The following ARMC9 variants were observed in gnomAD, a reference collection of about 807,000 sequenced individuals.
ARMC9 encodes the protein lisH domain-containing protein ARMC9.
In ARMC9, 94 loss-of-function variants were observed where a neutral mutation model predicts 107.0. The ratio of observed to expected loss-of-function variants is 0.88; its 90% CI spans 0.74 to 1.04. ARMC9 has a LOEUF of 1.04. Ranked by LOEUF, ARMC9 falls within the 50% of genes least tolerant of loss-of-function variation. ARMC9 has a pLI of 0.00. For missense variants in ARMC9, 942 were observed against 1,030.1 expected, an observed-to-expected ratio of 0.91 and a Z score of 1.17; for synonymous variants, 380 against 396.9, an observed-to-expected ratio of 0.96 and a Z score of 0.51.
chr2:231,211,620 G>A (rs1295801885), intron 3 of ARMC9, among the ~76,000 whole-genome samples: 1 of 151,984 alleles, frequency 6.6e-6, no homozygotes, highest in Non-Finnish European at 1.5e-5. Flanking sequence ...TGTATACCCA[G>A]AAGTATTGCT....
intron 16 of ARMC9, among the ~76,000 whole-genome samples, chr2:231,279,581 G>T (rs1458016440): frequency 6.8e-6 from 1 of 146,928 alleles, no homozygotes; most frequent in Admixed American, 6.9e-5. Flanking sequence ...TGTGATCTTG[G>T]CTCACTGCAA....
At chr2:231,212,543 AGTCAGAGAGCTCTTG>A (rs2033011025) in intron 3 of ARMC9, among the ~76,000 whole-genome samples, 4 of 152,326 alleles carry the variant, frequency 2.6e-5, no homozygotes, top group South Asian at 4.1e-4. Flanking sequence ...TCATCCACAC[AGTCAGAGAGCTCTTG>A]GTCACCGCAC....
intron 19 of ARMC9, among the ~76,000 whole-genome samples, chr2:231,317,419 C>T (rs537673657): frequency 1.3e-5 from 2 of 152,194 alleles, no homozygotes; most frequent in South Asian, 4.1e-4. Context: ...AATCCTCCTG[C>T]CTTGGCCTCC....
chr2:231,199,940 C>T (rs2030538939), intron 1 of ARMC9, among the ~76,000 whole-genome samples: 1 of 152,138 alleles, frequency 6.6e-6, no homozygotes, highest in South Asian at 2.1e-4. Context: ...TCAGGTGATC[C>T]GCCTGCCTCA....
chr2:231,252,283 CTT>C (rs995644727), intron 9 of ARMC9, among the ~76,000 whole-genome samples: 2 of 152,148 alleles, frequency 1.3e-5, no homozygotes, highest in Admixed American at 1.3e-4. Flanking sequence ...GAGCTTTGCT[CTT>C]GTCACCCAGG....
intron 3 of ARMC9, among the ~76,000 whole-genome samples, chr2:231,210,309 C>A (rs1027605286): frequency 1.3e-5 from 2 of 152,214 alleles, no homozygotes; most frequent in African/African-American, 4.8e-5. Context: ...GCACCCCCCA[C>A]ACCTAGAACG....
chr2:231,283,386 A>G (rs1026965342), intron 17 of ARMC9, among the ~76,000 whole-genome samples: 3 of 152,182 alleles, frequency 2.0e-5, no homozygotes, highest in Non-Finnish European at 4.4e-5. Flanking sequence ...TTAGTTATCT[A>G]TTACTGCATA....
intron 5 of ARMC9, 127 bp from the exon 6 acceptor site, chr2:231,222,601 C>T (rs1325633388): frequency 1.1e-5 from 6 of 522,028 alleles, no homozygotes; most frequent in Middle Eastern, 5.1e-4. Flanking sequence ...CACAGCCTCA[C>T]GTCACTGGCA....
In ARMC9 at chr2:231,272,999, G is replaced by C. The variant is rs2039469452; in HGVS notation, c.1255G>C (p.Glu419Gln). Residue 419 changes from glutamate (E) to glutamine (Q), a missense_variant, in exon 14 of 25, where the codon GAG becomes CAG. By Grantham distance (29) the Glu-to-Gln change is conservative. Transcript: ENST00000611582. The stretch of plus-strand genomic sequence containing the variant: ...GAACACAAAGGTGCTGCAGATGCTG[G>C]AGGGAAGGCTGAAGGAGGAGGACAA... ...AQNTKVLQML[E>Q]GRLKEEDKDI... is the part of the protein sequence containing the mutation. 4 of 1,613,920 alleles carry C rather than the reference G, an allele frequency of 2.5e-6. No homozygotes were observed. The highest frequency in any genetic ancestry group is 2.5e-6 in the Non-Finnish European group (3 of 1,179,848).
intron 19 of ARMC9, among the ~76,000 whole-genome samples, chr2:231,309,228 C>T (rs541476033): frequency 3.9e-5 from 6 of 152,266 alleles, no homozygotes; most frequent in South Asian, 2.1e-4. Flanking sequence ...AATAGACATC[C>T]GATGGCTCAA....
chr2:231,260,253 T>C (rs115668514), intron 11 of ARMC9, among the ~76,000 whole-genome samples: 1,583 of 152,182 alleles, frequency 0.01, 13 homozygotes, highest in Non-Finnish European at 0.017. Flanking sequence ...CTCCCAGAGA[T>C]TGATCATAAA....
intron 7 of ARMC9, among the ~76,000 whole-genome samples, chr2:231,232,286 A>G (rs2035307082): frequency 6.6e-6 from 1 of 152,038 alleles, no homozygotes; most frequent in Non-Finnish European, 1.5e-5. Context: ...GGCCTCCCAA[A>G]GTGCTGGGAT....
At chr2:231,346,854 A>G (rs1406088819) in intron 21 of ARMC9, among the ~76,000 whole-genome samples, 1 of 152,230 alleles carries the variant, frequency 6.6e-6, no homozygotes, top group Non-Finnish European at 1.5e-5. Flanking sequence ...TGATAAATAT[A>G]ATACCTTTTT....
chr2:231,223,017 G>C (rs2034303492), intron 6 of ARMC9, among the ~76,000 whole-genome samples, 197 bp downstream of exon 6: 1 of 152,184 alleles, frequency 6.6e-6, no homozygotes, highest in Non-Finnish European at 1.5e-5. Flanking sequence ...GGATCTCTGA[G>C]ACTTTCTTTT....
intron 14 of ARMC9, among the ~76,000 whole-genome samples, chr2:231,275,724 C>T (rs2039697818): frequency 6.6e-6 from 1 of 152,196 alleles, no homozygotes; most frequent in Non-Finnish European, 1.5e-5. Flanking sequence ...AAGGTTGAGG[C>T]AGGCAGATCA....
At chr2:231,341,640 T>TGATAGATA (rs56256642) in intron 20 of ARMC9, among the ~76,000 whole-genome samples, 38,199 of 139,956 alleles carry the variant, frequency 0.27, 5,451 homozygotes, top group East Asian at 0.32. Flanking sequence ...GATAGATAGA[T>TGATAGATA]GATAGATAGA....
intron 19 of ARMC9, among the ~76,000 whole-genome samples, chr2:231,322,209 G>A (rs1307469811): frequency 6.6e-6 from 1 of 152,240 alleles, no homozygotes; most frequent in Admixed American, 6.5e-5. Context: ...ATCTGCAGTC[G>A]TGGGCACGTG....
At chr2:231,298,591 C>G (rs2041526659) in intron 19 of ARMC9, among the ~76,000 whole-genome samples, 2 of 152,000 alleles carry the variant, frequency 1.3e-5, no homozygotes, top group African/African-American at 4.8e-5. Flanking sequence ...TATTTAGACC[C>G]AAAACACAGA....
chr2:231,267,925 A>G (rs1298339246), intron 12 of ARMC9, among the ~76,000 whole-genome samples: 1 of 152,236 alleles, frequency 6.6e-6, no homozygotes, highest in African/African-American at 2.4e-5. Flanking sequence ...AAGAATATTC[A>G]TAGCTGCAGT....
Sources: allele counts gnomAD v4.1 joint callset (sites outside exome capture counted in the v4.1 genomes callset), GRCh38; gene constraint gnomAD v4.1.1; transcripts MANE v1.5; gene names NCBI Gene and HGNC (gene_info 2026-07-23, HGNC 2026-07-21).